RFX7: variants seen among roughly 807,000 people sequenced by gnomAD.
The protein encoded by RFX7 is DNA-binding protein RFX7.
RFX7 carries 26 observed loss-of-function variants against 111.8 expected under a neutral mutation model. The observed-to-expected ratio is 0.23, with a 90% CI of 0.17 to 0.32. The LOEUF (loss-of-function observed/expected upper bound fraction) is 0.32, where lower values mean the gene tolerates loss of function less well. RFX7 is among the 10% of genes least tolerant of loss of function. The probability of loss-of-function intolerance (pLI) is 1.00; values close to 1 mark genes in which losing one functional copy is unlikely to be tolerated. For missense variants in RFX7, 1,573 were observed against 1,772.9 expected (o/e 0.89, Z 2.02); for synonymous variants, 624 against 624.4 (o/e 1.00, Z 0.01).
chr15:56,123,935 C>G (rs1478515773), intron 5 of RFX7, among the ~76,000 whole-genome samples: 2 of 152,194 alleles, frequency 1.3e-5, no homozygotes. Flanking sequence ...GAGGTGGTGT[C>G]AGCAATTCAA....
chr15:56,153,044 G>C (rs1446200058), intron 3 of RFX7, among the ~76,000 whole-genome samples: 1 of 152,124 alleles, frequency 6.6e-6, no homozygotes, highest in African/African-American at 2.4e-5. Context: ...CCAATAACAA[G>C]CTCTGAAATT....
In RFX7 at chr15:56,087,822, C is replaced by T. The variant is rs1380935247; in HGVS notation, c.*5523G>A. The T allele has an allele frequency of 5.1e-5, 15 of 296,334 alleles. No individual in the cohort carries two copies. The East Asian group carries it at 5.2e-4, about 10-fold the overall frequency. The allele number at this position is 296,334 out of a possible 1,614,324, so 18.4% of individuals were successfully genotyped here. ...TGTACAGAGACTGACATATTTTAGGCACTTTATCATCTGTTAAAAAAAAAG... is the reference window on the plus strand; with the variant it reads ...TGTACAGAGACTGACATATTTTAGGTACTTTATCATCTGTTAAAAAAAAAG... On this transcript the variant is annotated 3_prime_UTR_variant, in exon 10 of 10. Transcript: ENST00000559447.
At chr15:56,168,203 C>T (rs549830660) in intron 3 of RFX7, among the ~76,000 whole-genome samples, 3 of 152,300 alleles carry the variant, frequency 2.0e-5, no homozygotes, top group African/African-American at 7.2e-5. Flanking sequence ...ATTAACCTCA[C>T]AGGCAAATTA....
intron 2 of RFX7, among the ~76,000 whole-genome samples, chr15:56,201,030 T>C (rs1320534334): frequency 1.3e-5 from 2 of 152,094 alleles, no homozygotes; most frequent in East Asian, 1.9e-4. Context: ...TTTAGAGAGC[T>C]GAAGTTAAAA....
chr15:56,240,127 A>G (rs1435621569), intron 2 of RFX7, among the ~76,000 whole-genome samples: 2 of 151,818 alleles, frequency 1.3e-5, no homozygotes, highest in East Asian at 1.9e-4. Flanking sequence ...TTTAACAACA[A>G]AAAGCTAATT....
At chr15:56,113,430 G>A (rs2041964747) in intron 5 of RFX7, among the ~76,000 whole-genome samples, 2 of 152,098 alleles carry the variant, frequency 1.3e-5, no homozygotes, top group African/African-American at 2.4e-5. Context: ...GTTCTTACTC[G>A]TAAGTGGGAG....
intron 2 of RFX7, among the ~76,000 whole-genome samples, chr15:56,208,370 A>C (rs150691209): frequency 1.3e-5 from 2 of 152,176 alleles, no homozygotes; most frequent in South Asian, 4.1e-4. Flanking sequence ...TGAAGTTTAC[A>C]GGGCAGAGGT....
intron 5 of RFX7, among the ~76,000 whole-genome samples, chr15:56,130,727 T>A (rs1159881373): frequency 6.6e-6 from 1 of 151,804 alleles, no homozygotes; most frequent in East Asian, 1.9e-4. Context: ...CAGATTTTAC[T>A]TGTCTAAAAA....
intron 5 of RFX7, among the ~76,000 whole-genome samples, chr15:56,122,748 G>GAT (rs2140970585): frequency 1.1e-5 from 1 of 91,056 alleles, no homozygotes; most frequent in East Asian, 7.7e-4. Flanking sequence ...CAAACCACAA[G>GAT]ACAGTCCTTC....
At chr15:56,112,428 G>A (rs1340102245) in intron 5 of RFX7, among the ~76,000 whole-genome samples, 4 of 139,542 alleles carry the variant, frequency 2.9e-5, no homozygotes, top group African/African-American at 8.0e-5. Flanking sequence ...TTAAGAAATC[G>A]TACTGGGAAA....
Position 56,094,029 on chromosome 15 carries a change from C to T in RFX7, c.3699G>A (p.Gln1233=), listed in dbSNP as rs2041635512. 6.2e-7 allele frequency: 1 copy of T among 1,613,922 alleles called. No homozygotes were observed. ...SQSVPLTVMM[Q]TAFPNALQKQ... The stretch of plus-strand genomic sequence containing the variant: ...TCTGAAGAGCGTTTGGGAAGGCTGT[C>T]TGCATCATGACTGTCAATGGAACTG... Residue 1233 remains glutamine (Q), a synonymous_variant, in exon 10 of 10, where the codon CAG becomes CAA. Transcript: ENST00000559447.
At chr15:56,180,859 G>C (rs111818719) in intron 2 of RFX7, among the ~76,000 whole-genome samples, 1 of 151,964 alleles carries the variant, frequency 6.6e-6, no homozygotes, top group Non-Finnish European at 1.5e-5. Context: ...AGAGGTTGCA[G>C]TGAGGTGAGA....
chr15:56,217,191 A>G (rs72738680), intron 2 of RFX7, among the ~76,000 whole-genome samples: 19,841 of 152,242 alleles, frequency 0.13, 1,699 homozygotes, highest in East Asian at 0.44. Flanking sequence ...ACATTACAAT[A>G]CCTGACATCT....
At chr15:56,128,497 T>C (rs917986736) in intron 5 of RFX7, among the ~76,000 whole-genome samples, 5 of 152,170 alleles carry the variant, frequency 3.3e-5, no homozygotes, top group African/African-American at 1.2e-4. Flanking sequence ...ATCATCTCAA[T>C]AGATGCAGAA....
At chr15:56,109,684 G>A (rs1172887165) in intron 5 of RFX7, among the ~76,000 whole-genome samples, 1 of 150,464 alleles carries the variant, frequency 6.6e-6, no homozygotes, top group Non-Finnish European at 1.5e-5. Flanking sequence ...TGCGGGGAGC[G>A]CCTCTGCCCT....
chr15:56,137,098 A>C (rs1352050669), intron 5 of RFX7, among the ~76,000 whole-genome samples: 6 of 152,182 alleles, frequency 3.9e-5, no homozygotes, highest in African/African-American at 1.4e-4. Flanking sequence ...TGTCTCTGTC[A>C]GGCTTTGGTA....
chr15:56,196,164 G>C (rs1182875879), intron 2 of RFX7, among the ~76,000 whole-genome samples: 7 of 151,976 alleles, frequency 4.6e-5, no homozygotes, highest in African/African-American at 1.7e-4. Flanking sequence ...ATATAGGAAA[G>C]TTATAAAGAA....
rs771616950 is a variant in RFX7, at chr15:56,173,758, A to G, written c.195+5512T>C. On this transcript the variant is annotated intron_variant, in intron 3 of 9. Coordinates refer to ENST00000559447, the MANE Select transcript of RFX7 (RefSeq NM_022841.7). ...GCAGTGAGCTGTGGTTCTGAAATGC[A>G]TTGCAGCCCGGACAACAAGAGTGAA... Among the ~76,000 whole-genome samples the G allele has an allele frequency of 2.1e-4, 32 of 152,134 alleles. No homozygotes were observed. The East Asian group carries it at 2.9e-3, about 14-fold the overall frequency.
intron 5 of RFX7, among the ~76,000 whole-genome samples, chr15:56,127,549 GA>G (rs1426210500): frequency 1.7e-5 from 2 of 119,464 alleles, no homozygotes; most frequent in Non-Finnish European, 3.7e-5. Context: ...TTTTTGAAAA[GA>G]TTTTTTTTTT....
Sources: gnomAD v4.1 joint callset for allele counts (sites outside exome capture counted in the v4.1 genomes callset) on GRCh38, gnomAD v4.1.1 for gene constraint, MANE v1.5 for transcripts, NCBI Gene and HGNC (gene_info 2026-07-23, HGNC 2026-07-21) for gene names.